The following DLGAP2 variants were observed in gnomAD, a reference collection of about 807,000 sequenced individuals.
DLGAP2 encodes the protein disks large-associated protein 2.
Under a neutral mutation model 100.3 loss-of-function variants are expected in DLGAP2, and 26 were observed. The ratio of observed to expected loss-of-function variants is 0.26; its 90% confidence interval spans 0.19 to 0.36. DLGAP2 has a LOEUF of 0.36. Ranked by LOEUF, DLGAP2 falls within the 10% of genes least tolerant of loss-of-function variation. The pLI is 1.00. For synonymous variants in DLGAP2, 886 were observed against 630.1 expected (o/e 1.41, Z -6.08); for missense variants, 1,858 against 1,453.2 (o/e 1.28, Z -4.53).
intron 3 of DLGAP2, among the ~76,000 whole-genome samples, chr8:1,425,680 A>G (rs1797219027): frequency 6.6e-6 from 1 of 152,214 alleles, no homozygotes; most frequent in Non-Finnish European, 1.5e-5. Flanking sequence ...CCTGATGGCA[A>G]GATGAGGCTC....
chr8:1,360,762 G>A (rs1801964630), intron 3 of DLGAP2, among the ~76,000 whole-genome samples: 1 of 152,158 alleles, frequency 6.6e-6, no homozygotes, highest in Non-Finnish European at 1.5e-5. Context: ...TGATCATGAT[G>A]GTCTGTCTCT....
chr8:918,500 C>T (rs567860994), intron 2 of DLGAP2, among the ~76,000 whole-genome samples: 8 of 152,188 alleles, frequency 5.3e-5, no homozygotes, highest in Non-Finnish European at 7.3e-5. Flanking sequence ...GAGACAGGCA[C>T]GGCTGTGTCT....
intron 1 of DLGAP2, among the ~76,000 whole-genome samples, chr8:812,178 A>T (rs555343220): frequency 7.2e-5 from 11 of 152,304 alleles, no homozygotes; most frequent in African/African-American, 2.6e-4. Context: ...TGAAATCTGC[A>T]GGGTGGGCCA....
chr8:1,425,428 G>A (rs998152007), intron 3 of DLGAP2, among the ~76,000 whole-genome samples: 1 of 152,156 alleles, frequency 6.6e-6, no homozygotes, highest in Admixed American at 6.5e-5. Context: ...ATGGTACCAG[G>A]GACCCATCAG....
intron 2 of DLGAP2, among the ~76,000 whole-genome samples, chr8:1,028,311 T>C (rs1440235671): frequency 1.2e-4 from 13 of 112,174 alleles, no homozygotes; most frequent in South Asian, 3.5e-4. Flanking sequence ...AGGTCGGGTG[T>C]CAGGCGCCCG....
intron 2 of DLGAP2, among the ~76,000 whole-genome samples, chr8:1,191,161 A>G (rs1797625662): frequency 6.7e-6 from 1 of 149,128 alleles, no homozygotes; most frequent in African/African-American, 2.5e-5. Flanking sequence ...GTGTTTCAAT[A>G]TAAGTAGATA....
At chr8:994,480 A>C (rs1022288654) in intron 2 of DLGAP2, among the ~76,000 whole-genome samples, 7 of 152,280 alleles carry the variant, frequency 4.6e-5, no homozygotes, top group African/African-American at 1.7e-4. Flanking sequence ...GATTACAGGC[A>C]TGAGCCACTG....
intron 3 of DLGAP2, among the ~76,000 whole-genome samples, chr8:1,292,121 A>T (rs543066776): frequency 6.6e-6 from 1 of 152,352 alleles, no homozygotes; most frequent in South Asian, 2.1e-4. Flanking sequence ...GTGTTATTAA[A>T]AACAGCAAAA....
At chr8:1,530,568 A>G (rs1800956477) in intron 4 of DLGAP2, among the ~76,000 whole-genome samples, 1 of 152,218 alleles carries the variant, frequency 6.6e-6, no homozygotes, top group Non-Finnish European at 1.5e-5. Context: ...AAGTAAAGAC[A>G]GGCATAGGAA....
chr8:1,463,529 A>C (rs1798519619), intron 3 of DLGAP2, among the ~76,000 whole-genome samples: 1 of 152,216 alleles, frequency 6.6e-6, no homozygotes, highest in African/African-American at 2.4e-5. Flanking sequence ...TCCTGTTCCC[A>C]GGACGCTCCT....
intron 1 of DLGAP2, among the ~76,000 whole-genome samples, chr8:752,845 C>T (rs1019331783): frequency 6.6e-6 from 1 of 152,116 alleles, no homozygotes; most frequent in African/African-American, 2.4e-5. Flanking sequence ...CAGAGCCTCC[C>T]ACTCCTGCCC....
chr8:1,041,563 G>A (rs913394529), intron 2 of DLGAP2, among the ~76,000 whole-genome samples: 32 of 150,820 alleles, frequency 2.1e-4, no homozygotes, highest in Non-Finnish European at 3.7e-4. Flanking sequence ...ACCCCTTGCC[G>A]TGGGTGAGTG....
intron 3 of DLGAP2, among the ~76,000 whole-genome samples, chr8:1,459,814 T>C (rs1024204355): frequency 1.3e-5 from 2 of 150,868 alleles, no homozygotes; most frequent in Non-Finnish European, 2.9e-5. Flanking sequence ...GCCTCCCGAG[T>C]AGCGGGAATT....
At chr8:1,048,217 A>G (rs1278851855) in intron 2 of DLGAP2, among the ~76,000 whole-genome samples, 1 of 152,188 alleles carries the variant, frequency 6.6e-6, no homozygotes, top group Non-Finnish European at 1.5e-5. Flanking sequence ...TAGATCGCTC[A>G]GAACTGTGCC....
At position 1,549,038 on chromosome 8, in the gene DLGAP2, G is replaced by A. The variant is rs755235555; in HGVS notation, c.585G>A (p.Gln195=). Residue 195 remains glutamine (Q), a synonymous_variant, in exon 5 of 15, where the codon CAG becomes CAA. Coordinates refer to ENST00000637795, the MANE Select transcript of DLGAP2 (RefSeq NM_001346810.2). ...INRIPANLLD[Q]FEKQLPLHRD... ...GCATCCCGGCCAACCTGCTGGACCA[G>A]TTCGAGAAGCAGCTGCCGCTGCACC... The A allele has an allele frequency of 6.3e-7, 1 of 1,594,704 alleles. No homozygotes were observed. The highest frequency in any genetic ancestry group is 2.3e-5 in the East Asian group (1 of 44,374).
chr8:767,481 T>C (rs2132600631), intron 1 of DLGAP2, among the ~76,000 whole-genome samples: 1 of 151,670 alleles, frequency 6.6e-6, no homozygotes, highest in African/African-American at 2.4e-5. Flanking sequence ...CGTGCCTCAG[T>C]GGGTAGCTGG....
At chr8:1,162,725 C>T (rs78752200) in intron 2 of DLGAP2, among the ~76,000 whole-genome samples, 7,750 of 152,286 alleles carry the variant, frequency 0.051, 258 homozygotes, top group Non-Finnish European at 0.075. Flanking sequence ...CAGGGAGTGA[C>T]TGGGAAGATT....
intron 1 of DLGAP2, among the ~76,000 whole-genome samples, chr8:810,209 A>T (rs373739584): frequency 1.7e-4 from 26 of 152,262 alleles, no homozygotes; most frequent in African/African-American, 5.3e-4. Flanking sequence ...CCCACTTCTA[A>T]TCTTTGCAGC....
At chr8:1,483,083 C>A (rs1799142318) in intron 3 of DLGAP2, among the ~76,000 whole-genome samples, 1 of 152,138 alleles carries the variant, frequency 6.6e-6, no homozygotes, top group African/African-American at 2.4e-5. Context: ...GCAAGGGAGC[C>A]CCGCGGCAGC....
Sources: gnomAD v4.1 joint callset for allele counts (sites outside exome capture counted in the v4.1 genomes callset) on GRCh38, gnomAD v4.1.1 for gene constraint, MANE v1.5 for transcripts, NCBI Gene and HGNC (gene_info 2026-07-23, HGNC 2026-07-21) for gene names.